AOPEP: variants seen among roughly 807,000 people sequenced by gnomAD.
The protein encoded by AOPEP is aminopeptidase O.
AOPEP carries 77 observed loss-of-function variants against 98.1 expected under a neutral mutation model. The observed-to-expected ratio is 0.78, with a 90% CI of 0.65 to 0.95. AOPEP has a LOEUF of 0.95. Among genes scored for constraint, AOPEP ranks in the 40% least tolerant of loss-of-function variants. The pLI is 0.00. For missense variants in AOPEP, 1,024 were observed against 1,024.7 expected (o/e 1.00, Z 0.01); for synonymous variants, 346 against 365.3 (o/e 0.95, Z 0.60).
At chr9:94,967,694 C>A in intron 9 of AOPEP, 64 bp from the exon 10 acceptor site, 1 of 1,412,420 alleles carries the variant, frequency 7.1e-7, no homozygotes, top group Non-Finnish European at 1.0e-6. Flanking sequence ...CAGCCTCTGG[C>A]ATGGTTCCAG....
intron 16 of AOPEP, chr9:95,086,159 G>A (rs550478541): frequency 2.0e-5 from 27 of 1,339,964 alleles, no homozygotes; most frequent in South Asian, 1.1e-4. Flanking sequence ...GCTCCCACTC[G>A]CGGCAGACAG....
chr9:94,811,656 A>C (rs886181002), intron 5 of AOPEP, among the ~76,000 whole-genome samples: 1 of 152,072 alleles, frequency 6.6e-6, no homozygotes, highest in Non-Finnish European at 1.5e-5. Context: ...CTGGTAGGGG[A>C]CTGGGCCCCA....
the AOPEP span, among the ~76,000 whole-genome samples, chr9:95,140,925 TG>T: frequency 6.6e-6 from 1 of 152,088 alleles, no homozygotes; most frequent in Non-Finnish European, 1.5e-5. Flanking sequence ...CCAGAATGTC[TG>T]GCAATTACAC....
Position 94,903,304 on chromosome 9 carries a change from C to T in AOPEP, c.1365-20682C>T, listed in dbSNP as rs114997538. Among the ~76,000 whole-genome samples the T allele has an allele frequency of 2.9e-3, 440 of 151,982 alleles. 1 individual carries two copies. Among genetic ancestry groups the T allele is most frequent in the Middle Eastern group, 0.01 (3 of 294 alleles). ...GGCCTTAAAACCTTTTCTTGATAGC[C>T]TTTTGCATTTCAGGTTTCTTGAAGT... On this transcript the variant is annotated intron_variant, in intron 5 of 16. Coordinates refer to ENST00000375315, the MANE Select transcript of AOPEP (RefSeq NM_001193329.3).
the AOPEP span, among the ~76,000 whole-genome samples, chr9:95,143,834 G>A: frequency 6.6e-6 from 1 of 152,122 alleles, no homozygotes. Flanking sequence ...TGCCTATGAC[G>A]GCAGCCCCAG....
At position 94,885,387 on chromosome 9, in the gene AOPEP, A is replaced by C. The variant is rs1385924227; in HGVS notation, c.1365-38599A>C. Reference sequence around the variant, plus strand: ...AAAAAAAAAAAAAAAAAAAAAAAAAAAAAGACATTGTGCTAGCATTATTAT... The same window carrying C: ...AAAAAAAAAAAAAAAAAAAAAAAAACAAAGACATTGTGCTAGCATTATTAT... On this transcript the variant is annotated intron_variant, in intron 5 of 16. Coordinates refer to ENST00000375315, the MANE Select transcript of AOPEP (RefSeq NM_001193329.3). 4.1e-3 allele frequency among the ~76,000 whole-genome samples: 526 copies of C among 129,824 alleles called. 5 individuals carry two copies. The highest frequency in any genetic ancestry group is 0.015 in the African/African-American group (487 of 33,572). 85.2% of individuals were successfully genotyped at this position (129,824 alleles called of 152,430 possible). A position where few individuals can be genotyped will look rare whatever the true frequency, so the allele number is the denominator to read the frequency against.
At chr9:94,882,304 T>C (rs2047680232) in intron 5 of AOPEP, among the ~76,000 whole-genome samples, 1 of 152,218 alleles carries the variant, frequency 6.6e-6, no homozygotes, top group African/African-American at 2.4e-5. Flanking sequence ...CTTAGTCTGT[T>C]GTTTAAAATG....
At chr9:94,836,122 A>G (rs1359311839) in intron 5 of AOPEP, among the ~76,000 whole-genome samples, 4 of 152,154 alleles carry the variant, frequency 2.6e-5, no homozygotes, top group Non-Finnish European at 4.4e-5. Context: ...GTGTACAAGC[A>G]CATGCACCTT....
intron 15 of AOPEP, among the ~76,000 whole-genome samples, chr9:95,081,924 T>C (rs1171849325): frequency 6.6e-6 from 1 of 152,124 alleles, no homozygotes; most frequent in Non-Finnish European, 1.5e-5. Flanking sequence ...AGATGGGCCC[T>C]TGGGTCTTCT....
the AOPEP span, among the ~76,000 whole-genome samples, chr9:95,140,075 C>T: frequency 6.6e-6 from 1 of 151,818 alleles, no homozygotes; most frequent in African/African-American, 2.4e-5. Context: ...AACTTGACTC[C>T]CCCAAATCCC....
intron 13 of AOPEP, among the ~76,000 whole-genome samples, chr9:95,008,053 A>G (rs1288596214): frequency 2.6e-5 from 4 of 152,182 alleles, no homozygotes; most frequent in Non-Finnish European, 5.9e-5. Context: ...AAATAAAGCT[A>G]TGGTATTTTC....
intron 9 of AOPEP, among the ~76,000 whole-genome samples, chr9:94,960,968 C>T (rs910410330): frequency 5.4e-5 from 8 of 148,930 alleles, no homozygotes; most frequent in Non-Finnish European, 1.0e-4. Flanking sequence ...GCCGAGATTG[C>T]GCGCCACTGC....
chr9:94,987,645 C>T (rs1589174495), intron 11 of AOPEP, among the ~76,000 whole-genome samples: 1 of 152,190 alleles, frequency 6.6e-6, no homozygotes, highest in Non-Finnish European at 1.5e-5. Context: ...GGTTGTTCTG[C>T]TCCTGAATAA....
At chr9:95,006,343 C>G (rs1418038559) in intron 13 of AOPEP, 1 of 323,668 alleles carries the variant, frequency 3.1e-6, no homozygotes, top group Non-Finnish European at 6.1e-6. Context: ...TTTTTTGATT[C>G]TTGATACCAG....
intron 12 of AOPEP, 63 bp from the exon 13 acceptor site, chr9:95,005,479 G>A: frequency 6.8e-7 from 1 of 1,475,814 alleles, no homozygotes; most frequent in Admixed American, 1.7e-5. Flanking sequence ...GCTTTCTCGC[G>A]CTGGGGGATG....
intron 5 of AOPEP, among the ~76,000 whole-genome samples, chr9:94,807,485 A>G (rs1246533858): frequency 6.6e-6 from 1 of 152,102 alleles, no homozygotes; most frequent in African/African-American, 2.4e-5. Flanking sequence ...TAATCTCTCT[A>G]TTGATGTCAT....
At chr9:95,071,322 G>C (rs2068487021) in intron 14 of AOPEP, among the ~76,000 whole-genome samples, 1 of 125,274 alleles carries the variant, frequency 8.0e-6, no homozygotes, top group South Asian at 2.4e-4. Flanking sequence ...ATGCTCACTG[G>C]AGCATTTCAG....
chr9:95,104,837 A>G, the AOPEP span, among the ~76,000 whole-genome samples: 1 of 152,146 alleles, frequency 6.6e-6, no homozygotes, highest in Admixed American at 6.5e-5. Context: ...GTCACAGGGC[A>G]GGGCTGACCA....
Position 94,957,132 on chromosome 9 carries a change from T to G in AOPEP, c.1872+1117T>G, listed in dbSNP as rs567667068. Among the ~76,000 whole-genome samples the G allele has an allele frequency of 7.2e-4, 110 of 152,324 alleles. 1 individual carries two copies. Among genetic ancestry groups the G allele is most frequent in the African/African-American group, 2.6e-3 (108 of 41,566 alleles). On this transcript the variant is annotated intron_variant, in intron 9 of 16. Transcript: ENST00000375315. Reference sequence around the variant, plus strand: ...GTATTTACCATGACTTCGGAGGTTTTGATTTTCACTTCCCATGGAACTCTT... The same window carrying G: ...GTATTTACCATGACTTCGGAGGTTTGGATTTTCACTTCCCATGGAACTCTT...
Sources: gnomAD v4.1 joint callset for allele counts (sites outside exome capture counted in the v4.1 genomes callset) on GRCh38, gnomAD v4.1.1 for gene constraint, MANE v1.5 for transcripts, NCBI Gene and HGNC (gene_info 2026-07-23, HGNC 2026-07-21) for gene names.